Variants in ZYX observed in about 807,000 individuals in gnomAD.
ZYX encodes the protein zyxin.
ZYX carries 37 observed loss-of-function variants against 58.1 expected under a neutral mutation model. That is an observed-to-expected ratio of 0.64 (90% CI 0.49 to 0.84). The LOEUF (loss-of-function observed/expected upper bound fraction) is 0.84. ZYX is among the 40% of genes least tolerant of loss of function. The pLI, the probability that ZYX is intolerant of heterozygous loss-of-function variation, is 0.00. For synonymous variants in ZYX, 324 were observed against 321.1 expected (o/e 1.01, Z -0.10); for missense variants, 762 against 761.6 (o/e 1.00, Z -0.01).
At position 143,382,694 on chromosome 7, in the gene ZYX, C is replaced by T; in HGVS notation, c.501+9C>T. On this transcript the variant is annotated intron_variant, in intron 4 of 9. Coordinates refer to ENST00000322764, the MANE Select transcript of ZYX (RefSeq NM_003461.5). Reference sequence around the variant, plus strand: ...ATCCTTTCAAAGCCCGGGTAAGGGACCGGAGAGTAGGAAAAGCAGGGCTCA... The same window carrying T: ...ATCCTTTCAAAGCCCGGGTAAGGGATCGGAGAGTAGGAAAAGCAGGGCTCA... 2 of 1,614,024 alleles carry T rather than the reference C, an allele frequency of 1.2e-6. No homozygotes were observed. Among genetic ancestry groups the T allele is most frequent in the Non-Finnish European group, 1.7e-6 (2 of 1,179,952 alleles).
Position 143,390,108 on chromosome 7 carries a change from T to A in ZYX, c.1614+131T>A. 2.3e-6 allele frequency: 3 copies of A among 1,318,722 alleles called. No individual in the cohort carries two copies. The highest frequency in any genetic ancestry group is 3.2e-6 in the Non-Finnish European group (3 of 948,924). The allele number at this position is 1,318,722 out of a possible 1,614,324, so 81.7% of individuals were successfully genotyped here. A position where few individuals can be genotyped will look rare whatever the true frequency, so the allele number is the denominator to read the frequency against. ...CTGTGATTTTGAGGGTGGCTCATGG[T>A]GGCACCCCATCTGTCCTGCCAGAAT... is the stretch of plus-strand genomic sequence containing the variant. On this transcript the variant is annotated intron_variant, in intron 9 of 9. Coordinates refer to ENST00000322764, the MANE Select transcript of ZYX (RefSeq NM_003461.5). The surrounding 1 kb of genome is among the most constrained non-coding windows in gnomAD (Gnocchi z 4.3).
chr7:143,390,899 T>G lies in ZYX; in HGVS notation c.*217T>G, dbSNP rs576155815. On this transcript the variant is annotated 3_prime_UTR_variant, in exon 10 of 10. Coordinates refer to ENST00000322764, the MANE Select transcript of ZYX (RefSeq NM_003461.5). This position sits in a 1 kb window ranked among gnomAD's most constrained non-coding sequence, Gnocchi z 4.3. Reference sequence around the variant, plus strand: ...TGGTCCTCGCCCATCCTGCAGGGATTGCCCACCGTCTTCCAGACACCCCAC... The same window carrying G: ...TGGTCCTCGCCCATCCTGCAGGGATGGCCCACCGTCTTCCAGACACCCCAC... 15 of 545,548 alleles carry G rather than the reference T, an allele frequency of 2.7e-5. No homozygotes were observed. The highest frequency in any genetic ancestry group is 1.2e-4 in the East Asian group (4 of 32,188). The allele number at this position is 545,548 out of a possible 1,614,324, so 33.8% of individuals were successfully genotyped here.
intron 2 of ZYX, 174 bp downstream of exon 2, chr7:143,381,953 C>A: frequency 1.4e-6 from 1 of 705,462 alleles, no homozygotes; most frequent in Non-Finnish European, 2.3e-6. Flanking sequence ...AGCCAGGGCT[C>A]CTGGGACCGT....
rs1333641305 is a variant in ZYX, at chr7:143,383,182, A to C, written c.883A>C (p.Lys295Gln). ...TGGATCTGGGTCACAACCAAATCAA[A>C]AATTGGGGCACCCCGAAGCTCTTTC... is the stretch of plus-strand genomic sequence containing the variant. ...PGGSGSQPNQ[K>Q]LGHPEALSAG... Residue 295 changes from lysine to glutamine, a missense_variant, in exon 5 of 10, where the codon AAA (lysine) becomes CAA (glutamine). Coordinates refer to ENST00000322764, the MANE Select transcript of ZYX (RefSeq NM_003461.5). 6.2e-7 allele frequency: 1 copy of C among 1,613,948 alleles called. No individual in the cohort carries two copies.
intron 5 of ZYX, 113 bp downstream of exon 5, chr7:143,383,435 G>A: frequency 4.6e-6 from 6 of 1,308,822 alleles, no homozygotes; most frequent in Non-Finnish European, 6.1e-6. Context: ...CACGGGGGTT[G>A]CGGGGTGGCG....
rs146167341 is a variant in ZYX, at chr7:143,387,735, G to A, written c.1024-484G>A. ...TCAGTGGGTTTAACCTGCAATTCCT[G>A]CCTGTGTTGTATCCTCACGCTGACA... On this transcript the variant is annotated intron_variant, in intron 5 of 9. Coordinates refer to ENST00000322764, the MANE Select transcript of ZYX (RefSeq NM_003461.5). The surrounding 1 kb of genome is among the most constrained non-coding windows in gnomAD (Gnocchi z 5.8). 3.0e-3 allele frequency: 1,415 copies of A among 471,508 alleles called. 21 individuals carry two copies. Among genetic ancestry groups the A allele is most frequent in the African/African-American group, 0.026 (1,303 of 50,202 alleles). The allele number at this position is 471,508 out of a possible 1,614,324, so 29.2% of individuals were successfully genotyped here. A position where few individuals can be genotyped will look rare whatever the true frequency, so the allele number is the denominator to read the frequency against.
chr7:143,385,627 G>C (rs1162539925), intron 5 of ZYX, among the ~76,000 whole-genome samples: 1 of 146,322 alleles, frequency 6.8e-6, no homozygotes, highest in Non-Finnish European at 1.5e-5. Context: ...GTATATATGT[G>C]AGTGGTGTGT....
In ZYX at chr7:143,387,540, C is replaced by G. The variant is rs370210588; in HGVS notation, c.1024-679C>G. Among the ~76,000 whole-genome samples the G allele has an allele frequency of 1.8e-4, 27 of 152,314 alleles. No individual in the cohort carries two copies. In the South Asian group the frequency reaches 4.1e-3, roughly 23 times the overall value. On this transcript the variant is annotated intron_variant, in intron 5 of 9. Transcript: ENST00000322764. The surrounding 1 kb of genome is among the most constrained non-coding windows in gnomAD (Gnocchi z 5.8). The stretch of plus-strand genomic sequence containing the variant: ...AGCGCTGTCCTTAACATCCACCCCC[C>G]ACTCCAGTCCCCGGGATCCCCTAAA...
rs1586565709 is a variant in ZYX, at chr7:143,384,442, C to T, written c.1023+1120C>T. On this transcript the variant is annotated intron_variant, in intron 5 of 9. Coordinates refer to ENST00000322764, the MANE Select transcript of ZYX (RefSeq NM_003461.5). The surrounding 1 kb of genome is among the most constrained non-coding windows in gnomAD (Gnocchi z 4.9). ...CTGGAGGGTGTAGGAGGTGAAGTGG[C>T]TCACCCAAGGAGCTCTTGAGCACTG... 6.6e-6 allele frequency among the ~76,000 whole-genome samples: 1 copy of T among 152,168 alleles called. No homozygotes were observed. Among genetic ancestry groups the T allele is most frequent in the East Asian group, 1.9e-4 (1 of 5,174 alleles).
In ZYX at chr7:143,384,037, A is replaced by G. The variant is rs1248066090; in HGVS notation, c.1023+715A>G. On this transcript the variant is annotated intron_variant, in intron 5 of 9. Coordinates refer to ENST00000322764, the MANE Select transcript of ZYX (RefSeq NM_003461.5). The surrounding 1 kb of genome is among the most constrained non-coding windows in gnomAD (Gnocchi z 4.9). ...GAGTGTTGGGTTCTGTATCTAGTAC[A>G]GGAATGCTCAAAATAGAAAAGCTGT... 2.5e-6 allele frequency: 1 copy of G among 392,420 alleles called. No individual in the cohort carries two copies. Among genetic ancestry groups the G allele is most frequent in the Non-Finnish European group, 5.2e-6 (1 of 193,054 alleles). 24.3% of individuals were successfully genotyped at this position (392,420 alleles called of 1,614,324 possible). A position where few individuals can be genotyped will look rare whatever the true frequency, so the allele number is the denominator to read the frequency against.
In ZYX at chr7:143,381,624, CT is replaced by C; in HGVS notation, c.58del (p.Tyr20ThrfsTer17). On this transcript the variant is annotated frameshift_variant, in exon 2 of 10. Transcript: ENST00000322764. LOFTEE classifies it high-confidence loss of function. ...ATCTCCGTTTCGGTCTCGGCTCCGG[CT>C]TTTTACGCCCCGCAGAAGAAGTTCG... ...PAISVSVSAPAFYAPQKKFGP... is the reference protein window; with the variant it reads ...PAISVSVSAPXFYAPQKKFGP... 6.2e-7 allele frequency: 1 copy of C among 1,612,304 alleles called. No individual in the cohort carries two copies.
Position 143,388,239 on chromosome 7 carries a change from A to AG in ZYX, c.1047dup (p.Pro350AlafsTer90). 6.2e-7 allele frequency: 1 copy of AG among 1,607,932 alleles called. No homozygotes were observed. Reference sequence around the variant, plus strand: ...TGCAGGTGCGCTCCCCTGGGGCCCCAGGGCCCCTGACTCTGAAGGAGGTGG... The same window carrying AG: ...TGCAGGTGCGCTCCCCTGGGGCCCCAGGGGCCCCTGACTCTGAAGGAGGTGG... On this transcript the variant is annotated frameshift_variant, in exon 6 of 10. Coordinates refer to ENST00000322764, the MANE Select transcript of ZYX (RefSeq NM_003461.5). LOFTEE classifies it high-confidence loss of function. The surrounding 1 kb of genome is among the most constrained non-coding windows in gnomAD (Gnocchi z 7.5).
intron 2 of ZYX, 135 bp from the exon 3 acceptor site, chr7:143,382,113 C>G: frequency 1.3e-6 from 1 of 760,214 alleles, no homozygotes; most frequent in Non-Finnish European, 2.1e-6. Flanking sequence ...GCGCCCTGCG[C>G]CCCTCCTTTG....
chr7:143,381,882 T>A, intron 2 of ZYX, 103 bp downstream of exon 2: 1 of 1,163,838 alleles, frequency 8.6e-7, no homozygotes, highest in South Asian at 1.6e-5. Flanking sequence ...CCGAGGGGGC[T>A]GGGCGCAGCC....
In ZYX at chr7:143,390,110, G is replaced by C; in HGVS notation, c.1614+133G>C. The C allele has an allele frequency of 2.3e-6, 3 of 1,302,532 alleles. No individual in the cohort carries two copies. The highest frequency in any genetic ancestry group is 3.2e-6 in the Non-Finnish European group (3 of 936,054). The allele number at this position is 1,302,532 out of a possible 1,614,324, so 80.7% of individuals were successfully genotyped here. A position where few individuals can be genotyped will look rare whatever the true frequency, so the allele number is the denominator to read the frequency against. Reference sequence around the variant, plus strand: ...GTGATTTTGAGGGTGGCTCATGGTGGCACCCCATCTGTCCTGCCAGAATGC... The same window carrying C: ...GTGATTTTGAGGGTGGCTCATGGTGCCACCCCATCTGTCCTGCCAGAATGC... On this transcript the variant is annotated intron_variant, in intron 9 of 9. Transcript: ENST00000322764. This position sits in a 1 kb window ranked among gnomAD's most constrained non-coding sequence, Gnocchi z 4.3.
chr7:143,386,567 G>T (rs1353901370), intron 5 of ZYX, among the ~76,000 whole-genome samples: 1 of 152,168 alleles, frequency 6.6e-6, no homozygotes, highest in Admixed American at 6.5e-5. Context: ...GAAACAGGAA[G>T]AGGGTGGTGG....
chr7:143,388,141 G>A lies in ZYX; in HGVS notation c.1024-78G>A. 6.7e-7 allele frequency: 1 copy of A among 1,503,352 alleles called. No homozygotes were observed. The highest frequency in any genetic ancestry group is 8.9e-7 in the Non-Finnish European group (1 of 1,121,288). 93.1% of individuals were successfully genotyped at this position (1,503,352 alleles called of 1,614,324 possible). On this transcript the variant is annotated intron_variant, in intron 5 of 9. Coordinates refer to ENST00000322764, the MANE Select transcript of ZYX (RefSeq NM_003461.5). This position sits in a 1 kb window ranked among gnomAD's most constrained non-coding sequence, Gnocchi z 7.5. ...AGCTGGGAGCTAAGCCTCATCGGAA[G>A]AAGCCGGGTAGGCTGGCCTGGGAAG...
chr7:143,382,882 G>A lies in ZYX; in HGVS notation c.583G>A (p.Ala195Thr). ...SSTKPAAGGT[A>T]PLPPWKSPSS... ...TACCAAGCCTGCAGCCGGGGGCACA[G>A]CACCCCTGCCTCCTTGGAAGTCCCC... Residue 195 changes from alanine (A) to threonine (T), a missense_variant, in exon 5 of 10, where the codon GCA (alanine) becomes ACA (threonine). Transcript: ENST00000322764. The A allele has an allele frequency of 6.2e-7, 1 of 1,613,594 alleles. No homozygotes were observed. Among genetic ancestry groups the A allele is most frequent in the Non-Finnish European group, 8.5e-7 (1 of 1,179,788 alleles).
Position 143,381,704 on chromosome 7 carries a change from G to A in ZYX, c.133G>A (p.Glu45Lys), listed in dbSNP as rs1198568225. The change falls in exon 2 of 10, where the codon GAG becomes AAG. Residue 45 changes from glutamate to lysine, a missense_variant. Coordinates refer to ENST00000322764, the MANE Select transcript of ZYX (RefSeq NM_003461.5). ...KVNPFRPGDSEPPPAPGAQRA... is the reference protein window; with the variant it reads ...KVNPFRPGDSKPPPAPGAQRA... The stretch of plus-strand genomic sequence containing the variant: ...GAATCCCTTCCGGCCCGGGGACAGC[G>A]AGCCTCCCCCGGCACCCGGGGCCCA... The A allele has an allele frequency of 1.9e-6, 3 of 1,604,806 alleles. No homozygotes were observed. Among genetic ancestry groups the A allele is most frequent in the Non-Finnish European group, 8.5e-7 (1 of 1,176,212 alleles).
Sources: gnomAD v4.1 joint callset for allele counts (sites outside exome capture counted in the v4.1 genomes callset) on GRCh38, gnomAD v4.1.1 for gene constraint, Gnocchi (gnomAD v3.1) non-coding constraint, MANE v1.5 for transcripts, NCBI Gene and HGNC (gene_info 2026-07-23, HGNC 2026-07-21) for gene names.